APBA2: variants seen among roughly 807,000 people sequenced by gnomAD.
The protein encoded by APBA2 is amyloid beta precursor protein binding family A member 2.
APBA2 carries 30 observed loss-of-function variants against 75.0 expected under a neutral mutation model. That is an observed-to-expected ratio of 0.40 (90% CI 0.30 to 0.54). The LOEUF is 0.54. Ranked by LOEUF, APBA2 falls within the 20% of genes least tolerant of loss-of-function variation. APBA2 has a pLI of 0.49. For synonymous variants in APBA2, 444 were observed against 409.6 expected, an observed-to-expected ratio of 1.08 and a Z score of -1.01; for missense variants, 801 against 1,016.1, an observed-to-expected ratio of 0.79 and a Z score of 2.88.
intron 12 of APBA2, 32 bp from the exon 13 acceptor site, chr15:29,108,238 C>G: frequency 1.9e-6 from 3 of 1,613,172 alleles, no homozygotes; most frequent in Non-Finnish European, 2.5e-6. Context: ...GTCTAAGGCC[C>G]AGCCTGTGAC....
intron 6 of APBA2, among the ~76,000 whole-genome samples, chr15:29,084,410 G>T (rs554685302): frequency 1.3e-5 from 2 of 152,192 alleles, no homozygotes; most frequent in Non-Finnish European, 2.9e-5. Context: ...TGAAAAAATA[G>T]CTTCAGTATT....
In APBA2 at chr15:29,108,407, C is replaced by A; in HGVS notation, c.2037+18C>A. On this transcript the variant is annotated intron_variant, in intron 13 of 14. Coordinates refer to ENST00000683413, the MANE Select transcript of APBA2 (RefSeq NM_001353788.2). ...ATGGAATTGTGAGTTCCCCCTCCTG[C>A]TCTGGGCCACCACCACCACTGCAGG... 6.2e-7 allele frequency: 1 copy of A among 1,613,888 alleles called. No homozygotes were observed. Among genetic ancestry groups the A allele is most frequent in the South Asian group, 1.1e-5 (1 of 91,088 alleles).
At chr15:28,916,084 C>T (rs1481780303) in intron 1 of APBA2, among the ~76,000 whole-genome samples, 19 of 152,374 alleles carry the variant, frequency 1.2e-4, no homozygotes, top group African/African-American at 2.2e-4. Context: ...TGCGCACCCC[C>T]GGCTGTCCTG....
intron 3 of APBA2, among the ~76,000 whole-genome samples, chr15:29,015,974 G>C (rs2039639923): frequency 1.3e-5 from 2 of 152,152 alleles, no homozygotes; most frequent in African/African-American, 4.8e-5. Flanking sequence ...TCTACTTATG[G>C]TTGGCCGGGC....
chr15:28,970,642 C>A (rs1218217195), intron 2 of APBA2: 1 of 151,586 alleles, frequency 6.6e-6, no homozygotes, highest in Non-Finnish European at 1.5e-5. Flanking sequence ...CTGAAAGCGT[C>A]CTGGAAAATC....
In APBA2 at chr15:28,922,835, A is replaced by T. The variant is rs151308254; in HGVS notation, c.-95+1086A>T. On this transcript the variant is annotated intron_variant, in intron 2 of 14. Transcript: ENST00000683413. ...TTCAGGTATTCGGTGAGACCTTAGA[A>T]GCAGGCACAGCAGGATTTATCCCAC... 1.8e-3 allele frequency among the ~76,000 whole-genome samples: 279 copies of T among 152,310 alleles called. 2 individuals are homozygous for T. Among genetic ancestry groups the T allele is most frequent in the South Asian group, 5.4e-3 (26 of 4,820 alleles).
At chr15:28,980,614 T>G (rs1402389116) in intron 2 of APBA2, among the ~76,000 whole-genome samples, 1 of 152,242 alleles carries the variant, frequency 6.6e-6, no homozygotes, top group African/African-American at 2.4e-5. Flanking sequence ...ATGACCATAC[T>G]GCCCAAAGCA....
intron 3 of APBA2, among the ~76,000 whole-genome samples, chr15:29,047,865 A>G (rs144578252): frequency 2.6e-5 from 4 of 152,214 alleles, no homozygotes; most frequent in Non-Finnish European, 5.9e-5. Context: ...AACAATAACC[A>G]GGTAAATATA....
chr15:29,114,892 GGT>G (rs56168100), intron 14 of APBA2, among the ~76,000 whole-genome samples: 98,873 of 148,692 alleles, frequency 0.66, 38,829 homozygotes, highest in Non-Finnish European at 0.87. Context: ...TGTGGCTGTG[GGT>G]GTGTGTGAGC....
intron 1 of APBA2, among the ~76,000 whole-genome samples, chr15:28,910,181 G>A (rs1441152748): frequency 1.3e-5 from 2 of 152,170 alleles, no homozygotes; most frequent in Non-Finnish European, 2.9e-5. Flanking sequence ...TTCAGCATTT[G>A]CTTACTTTGG....
intron 3 of APBA2, among the ~76,000 whole-genome samples, chr15:29,008,751 C>T (rs1257839593): frequency 6.6e-6 from 1 of 152,076 alleles, no homozygotes; most frequent in African/African-American, 2.4e-5. Context: ...AAGCACAGAG[C>T]CAGTCACAGG....
At chr15:28,951,074 A>G (rs1370162063) in intron 2 of APBA2, among the ~76,000 whole-genome samples, 4 of 152,168 alleles carry the variant, frequency 2.6e-5, no homozygotes, top group Admixed American at 6.5e-5. Flanking sequence ...TATCTGGGAG[A>G]AAAATAGATG....
chr15:28,951,136 T>A (rs896488703), intron 2 of APBA2, among the ~76,000 whole-genome samples: 2 of 152,188 alleles, frequency 1.3e-5, no homozygotes, highest in Non-Finnish European at 2.9e-5. Context: ...CCTTAAACAA[T>A]ACAGTATAAC....
Position 29,106,824 on chromosome 15 carries a change from G to T in APBA2, c.1917+5G>T. 1.2e-6 allele frequency: 2 copies of T among 1,612,232 alleles called. No homozygotes were observed. The highest frequency in any genetic ancestry group is 1.7e-6 in the Non-Finnish European group (2 of 1,179,374). ...ACCTGCCAAGGCATCATCAAGGTAG[G>T]CACCCTGGGATCCTCCGCCCAGGGG... On this transcript the variant is annotated splice_donor_5th_base_variant and intron_variant, in intron 12 of 14. Coordinates refer to ENST00000683413, the MANE Select transcript of APBA2 (RefSeq NM_001353788.2).
At chr15:29,032,019 C>T (rs973411371) in intron 3 of APBA2, among the ~76,000 whole-genome samples, 4 of 152,208 alleles carry the variant, frequency 2.6e-5, no homozygotes, top group Admixed American at 1.3e-4. Flanking sequence ...AGCAGAGGGG[C>T]TCTCCTTGGA....
intron 2 of APBA2, among the ~76,000 whole-genome samples, chr15:28,957,090 T>A (rs764744424): frequency 4.6e-5 from 7 of 152,170 alleles, no homozygotes; most frequent in Non-Finnish European, 8.8e-5. Context: ...CTTTTTCTTT[T>A]GAGATGGAGT....
intron 4 of APBA2, among the ~76,000 whole-genome samples, chr15:29,062,720 T>C (rs1413647031): frequency 6.6e-6 from 1 of 152,018 alleles, no homozygotes; most frequent in African/African-American, 2.4e-5. Flanking sequence ...CTAATAGTGA[T>C]CTAAAAAGTG....
intron 6 of APBA2, among the ~76,000 whole-genome samples, chr15:29,088,592 C>T (rs576785466): frequency 2.6e-5 from 4 of 152,178 alleles, no homozygotes; most frequent in Admixed American, 6.5e-5. Flanking sequence ...TCTCCATTTC[C>T]GTTGTCACCC....
At chr15:28,928,284 T>A (rs915648193) in intron 2 of APBA2, among the ~76,000 whole-genome samples, 9 of 152,174 alleles carry the variant, frequency 5.9e-5, no homozygotes, top group Non-Finnish European at 1.0e-4. Flanking sequence ...TTAATCTGGC[T>A]ATGGGCTACG....
Sources: gnomAD v4.1 joint callset for allele counts (sites outside exome capture counted in the v4.1 genomes callset) on GRCh38, gnomAD v4.1.1 for gene constraint, MANE v1.5 for transcripts, NCBI Gene and HGNC (gene_info 2026-07-23, HGNC 2026-07-21) for gene names.